CPED1: variants seen among roughly 807,000 people sequenced by gnomAD.
CPED1 encodes cadherin-like and PC-esterase domain-containing protein 1.
CPED1 carries 114 observed loss-of-function variants against 128.2 expected under a neutral mutation model. The observed-to-expected ratio is 0.89, with a 90% CI of 0.76 to 1.04. The LOEUF is 1.04. CPED1 is among the 50% of genes least tolerant of loss of function. CPED1 has a pLI of 0.00. For synonymous variants in CPED1, 462 were observed against 426.7 expected (o/e 1.08, Z -1.02); for missense variants, 1,211 against 1,207.1 (o/e 1.00, Z -0.05).
At chr7:121,234,485 G>A (rs779605022) in intron 16 of CPED1, among the ~76,000 whole-genome samples, 7 of 151,834 alleles carry the variant, frequency 4.6e-5, no homozygotes, top group South Asian at 2.1e-4. Flanking sequence ...TAAAAGTAAC[G>A]TCTAACATGG....
chr7:121,258,128 A>G (rs1791927017), intron 18 of CPED1, among the ~76,000 whole-genome samples: 2 of 152,120 alleles, frequency 1.3e-5, no homozygotes, highest in South Asian at 2.1e-4. Context: ...GTGCTGCCCC[A>G]TATCAGCAAT....
chr7:121,266,511 T>C, intron 19 of CPED1, 64 bp downstream of exon 19: 1 of 1,361,244 alleles, frequency 7.3e-7, no homozygotes, highest in Non-Finnish European at 1.1e-6. Context: ...CTAGCAGTCG[T>C]CACTGCTCAA....
chr7:121,007,982 C>CTTTTCT (rs367945948), intron 2 of CPED1, among the ~76,000 whole-genome samples: 3 of 81,080 alleles, frequency 3.7e-5, no homozygotes, highest in Admixed American at 3.0e-4. Context: ...CTTTTCTTTT[C>CTTTTCT]TTTCTTTCTT....
At chr7:121,218,937 C>A (rs1019690671) in intron 16 of CPED1, among the ~76,000 whole-genome samples, 1 of 152,038 alleles carries the variant, frequency 6.6e-6, no homozygotes, top group African/African-American at 2.4e-5. Flanking sequence ...TCTGCTTCAA[C>A]CTACAAAAAC....
intron 18 of CPED1, among the ~76,000 whole-genome samples, chr7:121,254,909 TAAA>T (rs58987925): frequency 2.7e-5 from 4 of 147,174 alleles, no homozygotes; most frequent in African/African-American, 9.9e-5. Context: ...AATCAGTAAT[TAAA>T]AAAAAAAACA....
At chr7:121,169,332 C>G (rs1439773641) in intron 16 of CPED1, among the ~76,000 whole-genome samples, 3 of 151,996 alleles carry the variant, frequency 2.0e-5, no homozygotes, top group Non-Finnish European at 4.4e-5. Context: ...GAAAAAGCAA[C>G]TTTATTGAAT....
rs545219391 is a variant in CPED1 at position 121,204,160 on chromosome 7, T to G, written c.2056-32554T>G. On this transcript the variant is annotated intron_variant, in intron 16 of 22. Coordinates refer to ENST00000310396, the MANE Select transcript of CPED1 (RefSeq NM_024913.5). ...TGATGCCTCCATTCTAAACTCTTTGTTCCAAAATTGGAGAAGGGGCCACTG... is the reference window on the plus strand; with the variant it reads ...TGATGCCTCCATTCTAAACTCTTTGGTCCAAAATTGGAGAAGGGGCCACTG... Among the ~76,000 whole-genome samples the G allele has an allele frequency of 1.8e-4, 28 of 152,224 alleles. 1 individual carries two copies. Among genetic ancestry groups the G allele is most frequent in the Admixed American group, 1.8e-3 (28 of 15,284 alleles).
intron 16 of CPED1, among the ~76,000 whole-genome samples, chr7:121,226,193 TG>T (rs1192236862): frequency 6.6e-6 from 1 of 152,154 alleles, no homozygotes; most frequent in African/African-American, 2.4e-5. Context: ...TTGATGTTGG[TG>T]CTATTCGTTT....
intron 18 of CPED1, among the ~76,000 whole-genome samples, chr7:121,246,161 G>C (rs990757520): frequency 6.6e-6 from 1 of 152,120 alleles, no homozygotes; most frequent in African/African-American, 2.4e-5. Flanking sequence ...CCAAGAAACT[G>C]TCACAGTCTA....
intron 16 of CPED1, among the ~76,000 whole-genome samples, chr7:121,153,773 T>C (rs1409862151): frequency 6.7e-6 from 1 of 150,328 alleles, no homozygotes; most frequent in East Asian, 2.0e-4. Context: ...TTCAATTACA[T>C]GGGTGTAGTT....
At chr7:121,112,995 G>A (rs555050242) in intron 7 of CPED1, among the ~76,000 whole-genome samples, 1 of 152,072 alleles carries the variant, frequency 6.6e-6, no homozygotes, top group East Asian at 1.9e-4. Flanking sequence ...ATGACTTCTC[G>A]ACTAAAAGAG....
At position 121,240,785 on chromosome 7, in the gene CPED1, C is replaced by T. The variant is rs1005592226; in HGVS notation, c.2174-3417C>T. ...TCTGTTAAAAAAAAAAAAAAAGTGACGGGGAAGGGAGGGAGAAAGGACACA... is the reference window on the plus strand; with the variant it reads ...TCTGTTAAAAAAAAAAAAAAAGTGATGGGGAAGGGAGGGAGAAAGGACACA... On this transcript the variant is annotated intron_variant, in intron 17 of 22. Coordinates refer to ENST00000310396, the MANE Select transcript of CPED1 (RefSeq NM_024913.5). 9.3e-4 allele frequency among the ~76,000 whole-genome samples: 10 copies of T among 10,792 alleles called. 1 individual carries two copies. The highest frequency in any genetic ancestry group is 0.2 in the Middle Eastern group (2 of 10). 7.1% of individuals were successfully genotyped at this position (10,792 alleles called of 152,430 possible).
Position 120,989,565 on chromosome 7 carries a change from T to G in CPED1, c.-57T>G, listed in dbSNP as rs1461717178. ...TAGTATTTTTCATGCTGACAAAAAA[T>G]AGCTGCTATGACTTTTCCCGCAACG... On this transcript the variant is annotated 5_prime_UTR_variant, in exon 2 of 23. Transcript: ENST00000310396. 3 of 1,586,396 alleles carry G rather than the reference T, an allele frequency of 1.9e-6. No homozygotes were observed. The highest frequency in any genetic ancestry group is 2.6e-6 in the Non-Finnish European group (3 of 1,166,572).
At chr7:121,196,831 CT>C (rs1364098107) in intron 16 of CPED1, among the ~76,000 whole-genome samples, 1 of 151,706 alleles carries the variant, frequency 6.6e-6, no homozygotes, top group African/African-American at 2.4e-5. Context: ...ATTTTTAAAC[CT>C]TTTCCCACAA....
At chr7:121,174,338 C>T (rs35648307) in intron 16 of CPED1, among the ~76,000 whole-genome samples, 3 of 151,878 alleles carry the variant, frequency 2.0e-5, no homozygotes, top group Non-Finnish European at 2.9e-5. Context: ...TGTCTTCCAG[C>T]GTTATAATAG....
At chr7:121,156,793 A>G (rs1796294197) in intron 16 of CPED1, among the ~76,000 whole-genome samples, 1 of 149,618 alleles carries the variant, frequency 6.7e-6, no homozygotes, top group African/African-American at 2.5e-5. Flanking sequence ...ATTTTGTCTA[A>G]ATAAAAAAAT....
At position 121,130,213 on chromosome 7, in the gene CPED1, T is replaced by TG. The variant is rs1272644576; in HGVS notation, c.1497dup (p.Thr500AspfsTer11). On this transcript the variant is annotated frameshift_variant, in exon 12 of 23. Transcript: ENST00000310396. LOFTEE classifies it high-confidence loss of function. ...CCTGTGGGAAATCCTGGCTCAGTCC[T>TG]GACCCAATACTGGTCTCTTTTAAAT... 1.9e-6 allele frequency: 3 copies of TG among 1,612,598 alleles called. No individual in the cohort carries two copies. Among genetic ancestry groups the TG allele is most frequent in the Non-Finnish European group, 2.5e-6 (3 of 1,179,112 alleles).
At chr7:121,155,041 A>G (rs976125472) in intron 16 of CPED1, among the ~76,000 whole-genome samples, 9 of 152,194 alleles carry the variant, frequency 5.9e-5, no homozygotes, top group Non-Finnish European at 2.9e-5. Flanking sequence ...CAAAATCAAC[A>G]TACAAAAATC....
At chr7:121,199,187 G>A (rs1345588199) in intron 16 of CPED1, among the ~76,000 whole-genome samples, 1 of 152,072 alleles carries the variant, frequency 6.6e-6, no homozygotes, top group Non-Finnish European at 1.5e-5. Context: ...ATTACCAAGT[G>A]TGGTTCTCTA....
Sources: gnomAD v4.1 joint callset for allele counts (sites outside exome capture counted in the v4.1 genomes callset) on GRCh38, gnomAD v4.1.1 for gene constraint, MANE v1.5 for transcripts, NCBI Gene and HGNC (gene_info 2026-07-23, HGNC 2026-07-21) for gene names.